NETO1: variants seen among roughly 807,000 people sequenced by gnomAD.
The protein encoded by NETO1 is neuropilin and tolloid-like protein 1.
Under a neutral mutation model 61.3 loss-of-function variants are expected in NETO1, and 26 were observed. The observed-to-expected ratio is 0.42, with a 90% CI of 0.31 to 0.59. The LOEUF is 0.59. Among genes scored for constraint, NETO1 ranks in the 20% least tolerant of loss-of-function variants. The probability of loss-of-function intolerance (pLI) is 0.12; values close to 1 mark genes in which losing one functional copy is unlikely to be tolerated. For missense variants in NETO1, 531 were observed against 662.8 expected (o/e 0.80, Z 2.18); for synonymous variants, 225 against 225.8 (o/e 1.00, Z 0.03).
chr18:72,860,366 A>G (rs2145653892), intron 3 of NETO1, among the ~76,000 whole-genome samples: 1 of 152,312 alleles, frequency 6.6e-6, no homozygotes, highest in South Asian at 2.1e-4. Flanking sequence ...CTTCTTAAAT[A>G]TACACGGAAC....
chr18:72,807,041 A>C (rs2072696633), intron 4 of NETO1, among the ~76,000 whole-genome samples: 1 of 152,194 alleles, frequency 6.6e-6, no homozygotes, highest in African/African-American at 2.4e-5. Context: ...TGGCAGAAAA[A>C]TCTTAACAGC....
intron 4 of NETO1, chr18:72,834,610 C>A: frequency 2.0e-6 from 2 of 983,452 alleles, no homozygotes; most frequent in Non-Finnish European, 2.4e-6. Context: ...CATGTTGGAG[C>A]TACAGGAAAT....
At chr18:72,808,393 T>C (rs1268513229) in intron 4 of NETO1, among the ~76,000 whole-genome samples, 1 of 149,134 alleles carries the variant, frequency 6.7e-6, no homozygotes, top group Non-Finnish European at 1.5e-5. Flanking sequence ...TACACACAGG[T>C]TGGAAGCAGT....
intron 4 of NETO1, among the ~76,000 whole-genome samples, chr18:72,811,421 T>A (rs1415255302): frequency 6.6e-6 from 1 of 152,224 alleles, no homozygotes; most frequent in African/African-American, 2.4e-5. Flanking sequence ...TCTGGATGTT[T>A]TGGAATACAA....
At chr18:72,811,546 G>A (rs959509440) in intron 4 of NETO1, among the ~76,000 whole-genome samples, 1 of 152,180 alleles carries the variant, frequency 6.6e-6, no homozygotes, top group Non-Finnish European at 1.5e-5. Context: ...GCTCGTGCTT[G>A]TCATCCCACC....
chr18:72,849,759 C>G (rs1309878725), intron 4 of NETO1, among the ~76,000 whole-genome samples: 1 of 152,170 alleles, frequency 6.6e-6, no homozygotes. Flanking sequence ...CTGAATGGGT[C>G]TCACTGGCCT....
At chr18:72,789,531 CTTGGTTTATTGCATTAATATTCTA>C (rs1049900727) in intron 6 of NETO1, among the ~76,000 whole-genome samples, 1 of 152,154 alleles carries the variant, frequency 6.6e-6, no homozygotes, top group Non-Finnish European at 1.5e-5. Flanking sequence ...AGTTACTACA[CTTGGTTTATTGCATTAATATTCTA>C]TTGCTCGGTA....
intron 7 of NETO1, among the ~76,000 whole-genome samples, chr18:72,767,809 A>G (rs945404465): frequency 6.6e-6 from 1 of 152,150 alleles, no homozygotes; most frequent in Non-Finnish European, 1.5e-5. Context: ...CTGGTAGATT[A>G]TACAATTTTA....
chr18:72,774,059 T>C (rs148758500), intron 7 of NETO1, among the ~76,000 whole-genome samples: 1,968 of 152,254 alleles, frequency 0.013, 46 homozygotes, highest in African/African-American at 0.045. Flanking sequence ...ATAAATTCCA[T>C]ACGACCATAA....
intron 4 of NETO1, among the ~76,000 whole-genome samples, chr18:72,854,435 T>G (rs2074354031): frequency 6.6e-6 from 1 of 152,168 alleles, no homozygotes; most frequent in African/African-American, 2.4e-5. Flanking sequence ...ATTCTATGTC[T>G]GTAAATGACA....
chr18:72,845,150 C>A (rs979345592), intron 4 of NETO1, among the ~76,000 whole-genome samples: 2 of 152,184 alleles, frequency 1.3e-5, no homozygotes, highest in East Asian at 3.8e-4. Flanking sequence ...TTGAATGAAT[C>A]TGTGAAATGA....
rs1313119416 is a variant in NETO1, at chr18:72,744,207, T to C, written c.*3972A>G. On this transcript the variant is annotated 3_prime_UTR_variant, in exon 11 of 11. Coordinates refer to ENST00000327305, the MANE Select transcript of NETO1 (RefSeq NM_138966.5). ...GAGTGTCTGACATCAGTCACCCTAA[T>C]TGTTATTTTTATTACCCTGTTTTAT... 3 of 152,178 alleles carry C rather than the reference T, an allele frequency of 2.0e-5. No homozygotes were observed. Among genetic ancestry groups the C allele is most frequent in the East Asian group, 3.8e-4 (2 of 5,202 alleles). 9.4% of individuals were successfully genotyped at this position (152,178 alleles called of 1,614,324 possible). A position where few individuals can be genotyped will look rare whatever the true frequency, so the allele number is the denominator to read the frequency against.
intron 4 of NETO1, among the ~76,000 whole-genome samples, chr18:72,809,163 C>T (rs1349035938): frequency 2.6e-5 from 4 of 152,052 alleles, no homozygotes; most frequent in Admixed American, 1.3e-4. Context: ...TTTATAAAAG[C>T]CACACATAAG....
At chr18:72,751,134 T>C (rs2070602197) in intron 8 of NETO1, among the ~76,000 whole-genome samples, 1 of 151,590 alleles carries the variant, frequency 6.6e-6, no homozygotes, top group African/African-American at 2.4e-5. Flanking sequence ...CAATTCAATC[T>C]GAAGACACAC....
intron 7 of NETO1, among the ~76,000 whole-genome samples, chr18:72,767,414 C>T (rs1421879024): frequency 6.6e-6 from 1 of 152,052 alleles, no homozygotes; most frequent in Admixed American, 6.6e-5. Flanking sequence ...GACCCACACA[C>T]TTTATTTAAA....
intron 3 of NETO1, among the ~76,000 whole-genome samples, chr18:72,859,819 G>A (rs1201582941): frequency 2.0e-5 from 3 of 151,892 alleles, no homozygotes; most frequent in African/African-American, 7.3e-5. Flanking sequence ...ACACAGGAAA[G>A]ACTTGCTTTA....
intron 4 of NETO1, among the ~76,000 whole-genome samples, chr18:72,801,534 C>T (rs2072507466): frequency 6.6e-6 from 1 of 152,126 alleles, no homozygotes; most frequent in African/African-American, 2.4e-5. Context: ...AAATAACATA[C>T]ATTTTCAGAG....
At chr18:72,825,162 G>A (rs1455177336) in intron 4 of NETO1, among the ~76,000 whole-genome samples, 2 of 152,142 alleles carry the variant, frequency 1.3e-5, no homozygotes, top group East Asian at 1.9e-4. Flanking sequence ...AAGTGACTTC[G>A]TAAAGAAAAA....
At position 72,743,913 on chromosome 18, in the gene NETO1, G is replaced by A. The variant is rs1035385358; in HGVS notation, c.*4266C>T. ...ATAAAATAGCATGCCTCAGAGGTTG[G>A]AAAGATGGCAGAAGTTGGGGACAAA... On this transcript the variant is annotated 3_prime_UTR_variant, in exon 11 of 11. Coordinates refer to ENST00000327305, the MANE Select transcript of NETO1 (RefSeq NM_138966.5). 3.9e-5 allele frequency: 6 copies of A among 152,140 alleles called. No homozygotes were observed. The highest frequency in any genetic ancestry group is 1.3e-4 in the Admixed American group (2 of 15,278). 9.4% of individuals were successfully genotyped at this position (152,140 alleles called of 1,614,324 possible).
Sources: gnomAD v4.1 joint callset for allele counts (sites outside exome capture counted in the v4.1 genomes callset) on GRCh38, gnomAD v4.1.1 for gene constraint, MANE v1.5 for transcripts, NCBI Gene and HGNC (gene_info 2026-07-23, HGNC 2026-07-21) for gene names.